Variants in BRD4 observed in about 807,000 individuals in gnomAD.
BRD4 encodes the protein bromodomain containing 4.
A neutral mutation model predicts 142.1 loss-of-function variants in BRD4; 16 were observed. That is an observed-to-expected ratio of 0.11 (90% CI 0.08 to 0.17). BRD4 has a LOEUF of 0.17. Ranked by LOEUF, BRD4 falls within the 10% of genes least tolerant of loss-of-function variation. The probability of loss-of-function intolerance (pLI) is 1.00; values close to 1 mark genes in which losing one functional copy is unlikely to be tolerated. For missense variants in BRD4, 1,424 were observed against 1,810.9 expected, an observed-to-expected ratio of 0.79 and a Z score of 3.88; for synonymous variants, 833 against 707.5, an observed-to-expected ratio of 1.18 and a Z score of -2.82.
intron 1 of BRD4, among the ~76,000 whole-genome samples, chr19:15,284,841 G>A (rs2047728578): frequency 6.6e-6 from 1 of 152,194 alleles, no homozygotes; most frequent in African/African-American, 2.4e-5. Flanking sequence ...AACTTGGCAG[G>A]CATAATCACT....
chr19:15,266,836 G>C (rs1439786347), intron 4 of BRD4, among the ~76,000 whole-genome samples: 5 of 152,152 alleles, frequency 3.3e-5, no homozygotes, highest in Admixed American at 3.3e-4. Context: ...GTAGCTGCTG[G>C]AGAGTTTCCT....
chr19:15,304,267 C>T (rs1413542315), intron 1 of BRD4, among the ~76,000 whole-genome samples: 1 of 152,202 alleles, frequency 6.6e-6, no homozygotes, highest in African/African-American at 2.4e-5. Flanking sequence ...ACAGTGTGTG[C>T]TGGCAATAAC....
chr19:15,244,698 G>A lies in BRD4; in HGVS notation c.2211+12C>T. On this transcript the variant is annotated intron_variant, in intron 12 of 19. Coordinates refer to ENST00000679869, the MANE Select transcript of BRD4 (RefSeq NM_001379291.1). Reference sequence around the variant, plus strand: ...GTCCCACCTAATGAAGGATGCCCCTGAGCCCATGTACCTTCTTCTGCTCCC... The same window carrying A: ...GTCCCACCTAATGAAGGATGCCCCTAAGCCCATGTACCTTCTTCTGCTCCC... 3 of 1,614,118 alleles carry A rather than the reference G, an allele frequency of 1.9e-6. No individual in the cohort carries two copies. Among genetic ancestry groups the A allele is most frequent in the Non-Finnish European group, 1.7e-6 (2 of 1,180,018 alleles).
chr19:15,248,826 G>A (rs894135855), intron 11 of BRD4: 3 of 290,474 alleles, frequency 1.0e-5, no homozygotes, highest in Middle Eastern at 9.7e-4. Flanking sequence ...CTCCTGGACT[G>A]ATGTCACTGC....
intron 1 of BRD4, among the ~76,000 whole-genome samples, chr19:15,327,528 A>G (rs546449124): frequency 6.6e-6 from 1 of 152,278 alleles, no homozygotes; most frequent in East Asian, 1.9e-4. Flanking sequence ...TGGGCGACAC[A>G]GCAAGACTCC....
chr19:15,296,654 GC>G (rs2047825398), intron 1 of BRD4, among the ~76,000 whole-genome samples: 1 of 152,168 alleles, frequency 6.6e-6, no homozygotes, highest in South Asian at 2.1e-4. Context: ...TGGATGTGAG[GC>G]AGCATCCCAA....
chr19:15,253,518 G>A (rs200367405), intron 11 of BRD4: 57 of 1,489,658 alleles, frequency 3.8e-5, no homozygotes, highest in African/African-American at 5.5e-5. Flanking sequence ...ACTGCAGGAG[G>A]GACACGCAAG....
chr19:15,254,053 G>T, intron 11 of BRD4, 99 bp downstream of exon 11: 4 of 998,972 alleles, frequency 4.0e-6, no homozygotes, highest in Non-Finnish European at 3.1e-6. Flanking sequence ...TTCTGGGAGT[G>T]CCGTCTCTGG....
chr19:15,240,057 G>A (rs908131984), intron 14 of BRD4, 35 bp from the exon 15 acceptor site: 3 of 1,574,226 alleles, frequency 1.9e-6, no homozygotes, highest in African/African-American at 2.7e-5. Context: ...TCAAGGGGCT[G>A]GCTTAGAACT....
rs567656150 is a variant in BRD4, at chr19:15,307,991, G to T, written c.-35+24299C>A. Among the ~76,000 whole-genome samples the T allele has an allele frequency of 1.1e-4, 16 of 151,316 alleles. No individual in the cohort carries two copies. The East Asian group carries it at 3.1e-3, about 30-fold the overall frequency. On this transcript the variant is annotated intron_variant, in intron 1 of 19. Coordinates refer to ENST00000679869, the MANE Select transcript of BRD4 (RefSeq NM_001379291.1). ...TAACTGGGCATGGTGGCGGGCATCT[G>T]TAATCTCAGCTACTCAGGAGGCTGT...
chr19:15,253,900 T>G, intron 11 of BRD4: 1 of 911,706 alleles, frequency 1.1e-6, no homozygotes, highest in Non-Finnish European at 1.6e-6. Context: ...CCCTTGGCCA[T>G]TCATCCTCCA....
In BRD4 at chr19:15,254,274, G is replaced by T. The variant is rs1285365749; in HGVS notation, c.2048-12C>A. 6.2e-7 allele frequency: 1 copy of T among 1,609,214 alleles called. No individual in the cohort carries two copies. Among genetic ancestry groups the T allele is most frequent in the African/African-American group, 1.3e-5 (1 of 74,946 alleles). ...ATCAACTTTCTCAGCTGCAATCCAA[G>T]CAATGGGAGCTGGTCAGGCAGGGCT... is the stretch of plus-strand genomic sequence containing the variant. On this transcript the variant is annotated splice_polypyrimidine_tract_variant and intron_variant, in intron 10 of 19. Coordinates refer to ENST00000679869, the MANE Select transcript of BRD4 (RefSeq NM_001379291.1).
chr19:15,305,014 T>A (rs1469273678), intron 1 of BRD4, among the ~76,000 whole-genome samples: 1 of 150,664 alleles, frequency 6.6e-6, no homozygotes, highest in East Asian at 1.9e-4. Flanking sequence ...ACATTAAAAT[T>A]AAGACCATCT....
chr19:15,259,498 G>A (rs1364763461), intron 7 of BRD4, among the ~76,000 whole-genome samples: 1 of 152,178 alleles, frequency 6.6e-6, no homozygotes, highest in Non-Finnish European at 1.5e-5. Flanking sequence ...ACAACAAAGA[G>A]CAAAAAATAC....
At chr19:15,281,397 C>T (rs1201521148) in intron 1 of BRD4, among the ~76,000 whole-genome samples, 1 of 152,238 alleles carries the variant, frequency 6.6e-6, no homozygotes, top group Non-Finnish European at 1.5e-5. Flanking sequence ...GGAGGGGACA[C>T]AGGCACACAA....
intron 1 of BRD4, among the ~76,000 whole-genome samples, chr19:15,310,446 C>T (rs536809982): frequency 5.4e-5 from 8 of 147,092 alleles, no homozygotes; most frequent in Non-Finnish European, 9.0e-5. Context: ...CTGCAAGCTC[C>T]GCCTCCCGGG....
In BRD4 at chr19:15,238,721, C is replaced by T. The variant is rs572472997; in HGVS notation, c.4020+22G>A. The T allele has an allele frequency of 1.3e-6, 2 of 1,492,718 alleles. No individual in the cohort carries two copies. The highest frequency in any genetic ancestry group is 4.7e-5 in the Admixed American group (2 of 42,594). 92.5% of individuals were successfully genotyped at this position (1,492,718 alleles called of 1,614,324 possible). On this transcript the variant is annotated intron_variant, in intron 19 of 19. Transcript: ENST00000679869. The surrounding 1 kb of genome is among the most constrained non-coding windows in gnomAD (Gnocchi z 7.2). ...AGGAGCTAATCCTTAGACCAGGGTC[C>T]CCACCAGGCCTCCAGACTCACGGCT...
At chr19:15,249,001 G>T in intron 11 of BRD4, 1 of 546,626 alleles carries the variant, frequency 1.8e-6, no homozygotes, top group Non-Finnish European at 3.3e-6. Flanking sequence ...CCACCCAGAG[G>T]ACCCCAGAGA....
chr19:15,289,520 C>T (rs2047765069), intron 1 of BRD4, among the ~76,000 whole-genome samples: 1 of 152,124 alleles, frequency 6.6e-6, no homozygotes, highest in African/African-American at 2.4e-5. Flanking sequence ...CACTGCACTC[C>T]AGCCTGGGCA....
Sources: allele counts gnomAD v4.1 joint callset (sites outside exome capture counted in the v4.1 genomes callset), GRCh38; gene constraint gnomAD v4.1.1; non-coding constraint Gnocchi (gnomAD v3.1); transcripts MANE v1.5; gene names NCBI Gene and HGNC (gene_info 2026-07-23, HGNC 2026-07-21).